CNP: variants seen among roughly 807,000 people sequenced by gnomAD.
The protein encoded by CNP is 2',3'-cyclic-nucleotide 3'-phosphodiesterase.
A neutral mutation model predicts 37.9 loss-of-function variants in CNP; 8 were observed. That is an observed-to-expected ratio of 0.21 (90% CI 0.12 to 0.38). The LOEUF (loss-of-function observed/expected upper bound fraction) is 0.38. Among genes scored for constraint, CNP ranks in the 10% least tolerant of loss-of-function variants. The probability of loss-of-function intolerance (pLI) is 1.00; values close to 1 mark genes in which losing one functional copy is unlikely to be tolerated. For missense variants in CNP, 457 were observed against 551.0 expected (o/e 0.83, Z 1.71); for synonymous variants, 237 against 238.3 (o/e 0.99, Z 0.05).
chr17:41,968,787 G>T lies in CNP; in HGVS notation c.676+47G>T. ...TATAAGCCCACCTTGCTGGGCACAG[G>T]GTGCTGCGGGCAAAGGACCATCATT... is the stretch of plus-strand genomic sequence containing the variant. On this transcript the variant is annotated intron_variant, in intron 2 of 3. Transcript: ENST00000393892. This position sits in a 1 kb window ranked among gnomAD's most constrained non-coding sequence, Gnocchi z 4.8. 2 of 1,538,842 alleles carry T rather than the reference G, an allele frequency of 1.3e-6. No individual in the cohort carries two copies. Among genetic ancestry groups the T allele is most frequent in the Non-Finnish European group, 8.8e-7 (1 of 1,142,496 alleles).
chr17:41,975,920 GAGA>G lies in CNP; in HGVS notation c.*1999_*2001del, dbSNP rs1477815763. On this transcript the variant is annotated 3_prime_UTR_variant, in exon 4 of 4. Transcript: ENST00000393892. Reference sequence around the variant, plus strand: ...GTCTCCTGCATGCAGAAAGGGAGCAGAGAAGGCCAGGGGCTTTTGCTAAAAATA... The same window carrying G: ...GTCTCCTGCATGCAGAAAGGGAGCAGAGGCCAGGGGCTTTTGCTAAAAATA... 1.3e-5 allele frequency: 2 copies of G among 152,314 alleles called. No individual in the cohort carries two copies. Among genetic ancestry groups the G allele is most frequent in the Non-Finnish European group, 2.9e-5 (2 of 68,118 alleles). The allele number at this position is 152,314 out of a possible 1,614,324, so 9.4% of individuals were successfully genotyped here.
At chr17:41,967,859 G>A in intron 1 of CNP, 1 of 1,401,066 alleles carries the variant, frequency 7.1e-7, no homozygotes, top group Non-Finnish European at 9.3e-7. Flanking sequence ...CAGGAATGGG[G>A]AAAGCGCACG....
Position 41,976,671 on chromosome 17 carries a change from T to G in CNP, c.*2747T>G. On this transcript the variant is annotated 3_prime_UTR_variant, in exon 4 of 4. Coordinates refer to ENST00000393892, the MANE Select transcript of CNP (RefSeq NM_033133.5). ...TGATGAAGGGAGGAGGTGAACTGTTTCCACATTCAAGATTAAACTGAGTGA... is the reference window on the plus strand; with the variant it reads ...TGATGAAGGGAGGAGGTGAACTGTTGCCACATTCAAGATTAAACTGAGTGA... 2 of 1,592,316 alleles carry G rather than the reference T, an allele frequency of 1.3e-6. No individual in the cohort carries two copies. The highest frequency in any genetic ancestry group is 1.1e-5 in the South Asian group (1 of 89,614).
chr17:41,967,408 T>C (rs1308227765), intron 1 of CNP: 2 of 151,730 alleles, frequency 1.3e-5, no homozygotes, highest in Non-Finnish European at 2.9e-5. Context: ...CAGCGGCGGG[T>C]AGAGCTGGAT....
rs1555643177 is a variant in CNP, at chr17:41,968,062, A to G, written c.4-6A>G. ...TGGGCTGACATCTCTTCCCCTCCTT[A>G]CACAGAACAGAGGCTTCTCCCGAAA... On this transcript the variant is annotated splice_region_variant and splice_polypyrimidine_tract_variant and intron_variant, in intron 1 of 3. Transcript: ENST00000393892. This position sits in a 1 kb window ranked among gnomAD's most constrained non-coding sequence, Gnocchi z 4.8. 1 of 1,608,620 alleles carries G rather than the reference A, an allele frequency of 6.2e-7. No homozygotes were observed.
rs188082705 is a variant in CNP at position 41,977,049 on chromosome 17, G to C, written c.*3125G>C. On this transcript the variant is annotated 3_prime_UTR_variant, in exon 4 of 4. Transcript: ENST00000393892. ...TTAGAGATGCCTCCCTGACCCTGCA[G>C]AGATGCGGTGGCTAAAGGTCCCAAG... 8.2e-4 allele frequency: 531 copies of C among 649,822 alleles called. 15 individuals carry two copies. In the Admixed American group the frequency reaches 0.015, roughly 19 times the overall value. 40.3% of individuals were successfully genotyped at this position (649,822 alleles called of 1,614,324 possible). A position where few individuals can be genotyped will look rare whatever the true frequency, so the allele number is the denominator to read the frequency against.
rs1377024070 is a variant in CNP, at chr17:41,966,896, C to T, written c.3+9C>T. The T allele has an allele frequency of 4.5e-6, 6 of 1,340,282 alleles. No individual in the cohort carries two copies. The African/African-American group carries it at 7.7e-5, about 17-fold the overall frequency. The allele number at this position is 1,340,282 out of a possible 1,614,324, so 83.0% of individuals were successfully genotyped here. ...CGCCCCTCCTCATCATGGTGAGAGG[C>T]CGGGCGGGGCCGGGCACGGGGTAGC... On this transcript the variant is annotated intron_variant, in intron 1 of 3. Coordinates refer to ENST00000393892, the MANE Select transcript of CNP (RefSeq NM_033133.5).
intron 1 of CNP, 79 bp downstream of exon 1, chr17:41,966,966 CT>C: frequency 7.9e-7 from 1 of 1,260,518 alleles, no homozygotes; most frequent in Non-Finnish European, 1.0e-6. Context: ...GAGGAAGCGT[CT>C]TGCAAACGAG....
chr17:41,973,148 G>C (rs1555644082), intron 3 of CNP, among the ~76,000 whole-genome samples: 1 of 152,222 alleles, frequency 6.6e-6, no homozygotes, highest in Admixed American at 6.5e-5. Context: ...CCTGTTTTAC[G>C]GGTGATGAAG....
chr17:41,966,946 G>C, intron 1 of CNP, 59 bp downstream of exon 1: 1 of 1,275,250 alleles, frequency 7.8e-7, no homozygotes, highest in Non-Finnish European at 9.9e-7. Context: ...CGAGTGTCGG[G>C]GCCCCTCGGG....
At position 41,974,131 on chromosome 17, in the gene CNP, G is replaced by A. The variant is rs2051037360; in HGVS notation, c.*207G>A. Reference sequence around the variant, plus strand: ...AATGCTCACGCTCCCAACACAAGGTGGGCAGGGAGGCACCATTCAGGAACC... The same window carrying A: ...AATGCTCACGCTCCCAACACAAGGTAGGCAGGGAGGCACCATTCAGGAACC... On this transcript the variant is annotated 3_prime_UTR_variant, in exon 4 of 4. Transcript: ENST00000393892. The A allele has an allele frequency of 4.7e-6, 2 of 428,214 alleles. No homozygotes were observed. Among genetic ancestry groups the A allele is most frequent in the Non-Finnish European group, 7.9e-6 (2 of 253,364 alleles). The allele number at this position is 428,214 out of a possible 1,614,324, so 26.5% of individuals were successfully genotyped here. A position where few individuals can be genotyped will look rare whatever the true frequency, so the allele number is the denominator to read the frequency against.
rs902026818 is a variant in CNP at position 41,968,338 on chromosome 17, G to A, written c.274G>A (p.Ala92Thr). The change falls in exon 2 of 4, where the codon GCT (alanine) becomes ACT (threonine). Residue 92 changes from alanine (A) to threonine (T), a missense_variant. By Grantham distance (58) the Ala-to-Thr change is moderately conservative. Transcript: ENST00000393892. This position sits in a 1 kb window ranked among gnomAD's most constrained non-coding sequence, Gnocchi z 4.8. ...SADAYKITPG[A>T]RGAFSEEYKR... is the part of the protein sequence containing the mutation. ...TGACGCTTACAAGATCACCCCCGGC[G>A]CTCGAGGAGCCTTCTCCGAGGAGTA... 4.3e-6 allele frequency: 7 copies of A among 1,613,956 alleles called. No homozygotes were observed. The highest frequency in any genetic ancestry group is 3.3e-5 in the Admixed American group (2 of 60,004).
rs139589281 is a variant in CNP, at chr17:41,968,777, C to T, written c.676+37C>T. On this transcript the variant is annotated intron_variant, in intron 2 of 3. Coordinates refer to ENST00000393892, the MANE Select transcript of CNP (RefSeq NM_033133.5). This position sits in a 1 kb window ranked among gnomAD's most constrained non-coding sequence, Gnocchi z 4.8. ...GTTGGGGCCTTATAAGCCCACCTTG[C>T]TGGGCACAGGGTGCTGCGGGCAAAG... The T allele has an allele frequency of 7.5e-5, 117 of 1,569,050 alleles. No homozygotes were observed. The East Asian group carries it at 2.6e-3, about 34-fold the overall frequency.
intron 3 of CNP, among the ~76,000 whole-genome samples, chr17:41,972,521 C>T (rs1174840519): frequency 2.0e-5 from 3 of 152,150 alleles, no homozygotes; most frequent in Non-Finnish European, 2.9e-5. Context: ...ACAGCTGGCA[C>T]CTTACACCCA....
Position 41,974,003 on chromosome 17 carries a change from C to CTT in CNP, c.*79_*80insTT. On this transcript the variant is annotated 3_prime_UTR_variant, in exon 4 of 4. Coordinates refer to ENST00000393892, the MANE Select transcript of CNP (RefSeq NM_033133.5). ...CCTCTGTTTGATCCTTGTTTTGTGA[C>CTT]ATTTTTTTTTTTTTTTTTTTTACTC... The CTT allele has an allele frequency of 2.6e-6, 2 of 769,822 alleles. No individual in the cohort carries two copies. The highest frequency in any genetic ancestry group is 3.2e-5 in the East Asian group (1 of 30,854). 47.7% of individuals were successfully genotyped at this position (769,822 alleles called of 1,614,324 possible).
intron 3 of CNP, 47 bp from the exon 4 acceptor site, chr17:41,973,428 A>G (rs2051021079): frequency 6.4e-7 from 1 of 1,562,582 alleles, no homozygotes; most frequent in Non-Finnish European, 8.7e-7. Context: ...CTGTTCCTCA[A>G]GAGCCTGCCA....
chr17:41,971,820 C>T (rs1471064858), intron 2 of CNP, 72 bp from the exon 3 acceptor site: 42 of 1,592,766 alleles, frequency 2.6e-5, no homozygotes, highest in South Asian at 1.6e-4. Context: ...CGCTGGGCCT[C>T]GGTGGTCCTG....
Position 41,973,675 on chromosome 17 carries a change from A to G in CNP, c.1017A>G (p.Val339=). ...AHITLGCAAD[V]EAVQTGLDLL... ...TCACCCTCGGCTGTGCAGCTGACGTAGAGGCCGTGCAGACGGGCCTTGACC... is the reference window on the plus strand; with the variant it reads ...TCACCCTCGGCTGTGCAGCTGACGTGGAGGCCGTGCAGACGGGCCTTGACC... Residue 339 remains valine, a synonymous_variant, in exon 4 of 4, where the codon GTA becomes GTG. Coordinates refer to ENST00000393892, the MANE Select transcript of CNP (RefSeq NM_033133.5). 5.6e-6 allele frequency: 9 copies of G among 1,613,970 alleles called. No homozygotes were observed. The highest frequency in any genetic ancestry group is 7.6e-6 in the Non-Finnish European group (9 of 1,179,978).
chr17:41,973,969 G>C lies in CNP; in HGVS notation c.*45G>C. 7.3e-7 allele frequency: 1 copy of C among 1,378,410 alleles called. No individual in the cohort carries two copies. Among genetic ancestry groups the C allele is most frequent in the Non-Finnish European group, 9.5e-7 (1 of 1,053,532 alleles). 85.4% of individuals were successfully genotyped at this position (1,378,410 alleles called of 1,614,324 possible). On this transcript the variant is annotated 3_prime_UTR_variant, in exon 4 of 4. Transcript: ENST00000393892. Reference sequence around the variant, plus strand: ...TGCCCCTAGAAGGGAAGGGGAGAGGGAAACGTGCCCTCTGTTTGATCCTTG... The same window carrying C: ...TGCCCCTAGAAGGGAAGGGGAGAGGCAAACGTGCCCTCTGTTTGATCCTTG...
Sources: gnomAD v4.1 joint callset for allele counts (sites outside exome capture counted in the v4.1 genomes callset) on GRCh38, gnomAD v4.1.1 for gene constraint, Gnocchi (gnomAD v3.1) non-coding constraint, MANE v1.5 for transcripts, NCBI Gene and HGNC (gene_info 2026-07-23, HGNC 2026-07-21) for gene names.